ZNF704: variants seen among roughly 807,000 people sequenced by gnomAD.
ZNF704 encodes the protein zinc finger protein 704.
In ZNF704, 10 loss-of-function variants were observed where a neutral mutation model predicts 44.7. The ratio of observed to expected loss-of-function variants is 0.22; its 90% CI spans 0.14 to 0.38. The LOEUF is 0.38. Ranked by LOEUF, ZNF704 falls within the 10% of genes least tolerant of loss-of-function variation. ZNF704 has a pLI of 1.00. For synonymous variants in ZNF704, 211 were observed against 207.6 expected, an observed-to-expected ratio of 1.02 and a Z score of -0.14; for missense variants, 390 against 545.5, an observed-to-expected ratio of 0.71 and a Z score of 2.84.
rs149724061 is a variant in ZNF704 at position 80,782,974 on chromosome 8, A to T, written c.221+38400T>A. ...ACATATTAGTGGATCTGAGCTGTTGAAAACTGTGTTGTTCAAGGGCACTGT... is the reference window on the plus strand; with the variant it reads ...ACATATTAGTGGATCTGAGCTGTTGTAAACTGTGTTGTTCAAGGGCACTGT... On this transcript the variant is annotated intron_variant, in intron 2 of 8. Transcript: ENST00000327835. 2.6e-5 allele frequency among the ~76,000 whole-genome samples: 4 copies of T among 152,322 alleles called. No individual in the cohort carries two copies. In the East Asian group the frequency reaches 7.7e-4, roughly 29 times the overall value.
chr8:80,649,386 G>A (rs367912222), intron 7 of ZNF704, among the ~76,000 whole-genome samples: 6 of 152,184 alleles, frequency 3.9e-5, no homozygotes, highest in African/African-American at 9.7e-5. Context: ...CCCGGGAAGC[G>A]CAAGGGCTCA....
chr8:80,703,492 T>C (rs1818845234), intron 2 of ZNF704, among the ~76,000 whole-genome samples: 2 of 152,172 alleles, frequency 1.3e-5, no homozygotes, highest in Admixed American at 1.3e-4. Flanking sequence ...TTTTGTTTGT[T>C]GAGGCAGGGT....
At chr8:80,645,260 T>A in intron 7 of ZNF704, 1 of 1,271,298 alleles carries the variant, frequency 7.9e-7, no homozygotes, top group South Asian at 1.4e-5. Context: ...TTGCCATATG[T>A]AGGAGGATAG....
At chr8:80,880,133 G>A in the ZNF704 span, among the ~76,000 whole-genome samples, 13 of 152,092 alleles carry the variant, frequency 8.5e-5, no homozygotes, top group East Asian at 1.5e-3. Context: ...TTATCTGGCC[G>A]ACTAGAGCCA....
intron 1 of ZNF704, among the ~76,000 whole-genome samples, chr8:80,860,479 T>C (rs966590648): frequency 2.0e-5 from 3 of 152,242 alleles, no homozygotes; most frequent in Admixed American, 6.5e-5. Context: ...CTAACTATAA[T>C]GTGTTGGTCT....
chr8:80,733,043 T>C (rs1052744768), intron 2 of ZNF704, among the ~76,000 whole-genome samples: 5 of 151,630 alleles, frequency 3.3e-5, no homozygotes, highest in African/African-American at 1.2e-4. Context: ...GATTAAATGA[T>C]TTTTGCTGCT....
chr8:80,850,025 A>G (rs1483435529), intron 1 of ZNF704, among the ~76,000 whole-genome samples: 1 of 152,116 alleles, frequency 6.6e-6, no homozygotes, highest in Non-Finnish European at 1.5e-5. Context: ...TATTGTATTC[A>G]TATGTAATGG....
At chr8:80,845,070 T>C (rs1292619197) in intron 1 of ZNF704, among the ~76,000 whole-genome samples, 1 of 152,202 alleles carries the variant, frequency 6.6e-6, no homozygotes, top group Non-Finnish European at 1.5e-5. Context: ...AGAACTATTC[T>C]ATTCTATTTC....
At chr8:80,816,082 A>C (rs1808172572) in intron 2 of ZNF704, among the ~76,000 whole-genome samples, 1 of 152,210 alleles carries the variant, frequency 6.6e-6, no homozygotes, top group African/African-American at 2.4e-5. Flanking sequence ...CCTCACTTCT[A>C]CCTCAAGGTC....
intron 3 of ZNF704, 51 bp downstream of exon 3, chr8:80,692,953 C>T (rs749772523): frequency 3.3e-6 from 5 of 1,523,158 alleles, no homozygotes; most frequent in Non-Finnish European, 4.5e-6. Flanking sequence ...AAGAAAGGCC[C>T]TGCTCTTGGT....
intron 2 of ZNF704, among the ~76,000 whole-genome samples, chr8:80,795,732 A>C (rs1807789758): frequency 6.6e-6 from 1 of 152,144 alleles, no homozygotes; most frequent in Non-Finnish European, 1.5e-5. Context: ...AAAAAAAAAA[A>C]AAACAGTATT....
intron 1 of ZNF704, among the ~76,000 whole-genome samples, chr8:80,822,553 T>A (rs1479858265): frequency 2.0e-5 from 3 of 152,234 alleles, no homozygotes; most frequent in Admixed American, 6.5e-5. Flanking sequence ...ATCCTTTGGG[T>A]ATATACCCAG....
chr8:80,744,860 C>A (rs1806819326), intron 2 of ZNF704, among the ~76,000 whole-genome samples: 1 of 152,096 alleles, frequency 6.6e-6, no homozygotes, highest in Non-Finnish European at 1.5e-5. Context: ...TTATTTTTTA[C>A]TGATCCTCAA....
intron 1 of ZNF704, among the ~76,000 whole-genome samples, chr8:80,824,680 T>C (rs908269662): frequency 1.3e-5 from 2 of 152,196 alleles, no homozygotes; most frequent in South Asian, 2.1e-4. Flanking sequence ...GAGAGAAAAG[T>C]TGGGTTACCC....
chr8:80,872,444 C>T (rs1206465829), intron 1 of ZNF704, among the ~76,000 whole-genome samples: 2 of 152,046 alleles, frequency 1.3e-5, no homozygotes, highest in Non-Finnish European at 1.5e-5. Context: ...TTTGGTGAGC[C>T]CCCAAAGCTT....
chr8:80,749,073 C>T (rs1393203062), intron 2 of ZNF704, among the ~76,000 whole-genome samples: 5 of 152,150 alleles, frequency 3.3e-5, no homozygotes, highest in Non-Finnish European at 5.9e-5. Context: ...AGCCCCTGTG[C>T]CCACAACGGA....
At chr8:80,878,294 A>AAGGAAGGAAGGT (rs1554590344), upstream of ZNF704, among the ~76,000 whole-genome samples, 13 of 151,430 alleles carry the variant, frequency 8.6e-5, no homozygotes, top group African/African-American at 3.2e-4. Flanking sequence ...GGAAGGAAGG[A>AAGGAAGGAAGGT]AGGAAGGAAG....
intron 2 of ZNF704, among the ~76,000 whole-genome samples, chr8:80,769,280 A>G (rs1003379837): frequency 7.9e-5 from 12 of 152,206 alleles, no homozygotes; most frequent in African/African-American, 2.9e-4. Flanking sequence ...ATTTTGAGAT[A>G]ATTGTAGATT....
At position 80,821,394 on chromosome 8, in the gene ZNF704, G is replaced by A; in HGVS notation, c.201C>T (p.Asn67=). 1 of 1,613,736 alleles carries A rather than the reference G, an allele frequency of 6.2e-7. No homozygotes were observed. Among genetic ancestry groups the A allele is most frequent in the East Asian group, 2.2e-5 (1 of 44,882 alleles). ...LEQKRKVVSS[N]IDVPPARKSS... ...CTTACCTTGCTGGAGGAACATCAAT[G>A]TTGGAGGAAACAACTTTTCTTTTTT... is the stretch of plus-strand genomic sequence containing the variant. The change falls in exon 2 of 9, where the codon AAC becomes AAT. Residue 67 remains asparagine (N), a synonymous_variant. Coordinates refer to ENST00000327835, the MANE Select transcript of ZNF704 (RefSeq NM_001033723.3).
Sources: allele counts gnomAD v4.1 joint callset (sites outside exome capture counted in the v4.1 genomes callset), GRCh38; gene constraint gnomAD v4.1.1; transcripts MANE v1.5; gene names NCBI Gene and HGNC (gene_info 2026-07-23, HGNC 2026-07-21).